ZMAT5: variants seen among roughly 807,000 people sequenced by gnomAD.
The protein encoded by ZMAT5 is zinc finger matrin-type 5.
In ZMAT5, 23 loss-of-function variants were observed where a neutral mutation model predicts 28.0. The ratio of observed to expected loss-of-function variants is 0.82; its 90% CI spans 0.59 to 1.16. The LOEUF (loss-of-function observed/expected upper bound fraction) is 1.16, where lower values mean the gene tolerates loss of function less well. ZMAT5 is among the 50% of genes most tolerant of loss of function. ZMAT5 has a pLI of 0.00. For missense variants in ZMAT5, 173 were observed against 212.7 expected (o/e 0.81, Z 1.16); for synonymous variants, 76 against 84.1 (o/e 0.90, Z 0.52).
intron 1 of ZMAT5, among the ~76,000 whole-genome samples, chr22:29,755,163 C>CGT: frequency 6.6e-6 from 1 of 151,998 alleles, no homozygotes; most frequent in East Asian, 1.9e-4. Context: ...GGCGTGGTGG[C>CGT]ACACGCCTAT....
chr22:29,753,605 C>T (rs532148399), intron 1 of ZMAT5, among the ~76,000 whole-genome samples: 1 of 152,272 alleles, frequency 6.6e-6, no homozygotes, highest in African/African-American at 2.4e-5. Context: ...AGGACAATCA[C>T]TTGAATCCAG....
Position 29,748,492 on chromosome 22 carries a change from A to G in ZMAT5, c.53T>C (p.Leu18Pro). 6.2e-7 allele frequency: 1 copy of G among 1,614,114 alleles called. No individual in the cohort carries two copies. The highest frequency in any genetic ancestry group is 8.5e-7 in the Non-Finnish European group (1 of 1,179,998). ...DYCDRSFQDN[L>P]HNRKKHLNGL... ...GTTCAGGTGCTTCTTGCGGTTGTGG[A>G]GGTTGTCCTGGAAGGAGCGGTCGCA... Residue 18 changes from leucine to proline, a missense_variant, in exon 2 of 6, where the codon CTC becomes CCC. Leu to Pro is a moderately conservative substitution (Grantham distance 98, BLOSUM62 -3). Coordinates refer to ENST00000344318, the MANE Select transcript of ZMAT5 (RefSeq NM_001003692.2).
Position 29,757,051 on chromosome 22 carries a change from T to TA in ZMAT5, c.-27-8481_-27-8480insT, listed in dbSNP as rs565563351. On this transcript the variant is annotated intron_variant, in intron 1 of 5. Coordinates refer to ENST00000344318, the MANE Select transcript of ZMAT5 (RefSeq NM_001003692.2). ...GAGACTATCTCAAAAAATATATATA[T>TA]TTTTTAATTAAAAAATTAGCTAGGT... 1.7e-4 allele frequency among the ~76,000 whole-genome samples: 26 copies of TA among 151,312 alleles called. 1 individual carries two copies. In the South Asian group the frequency reaches 2.9e-3, roughly 17 times the overall value.
At chr22:29,748,814 T>G (rs144550426) in intron 1 of ZMAT5, among the ~76,000 whole-genome samples, 1 of 152,372 alleles carries the variant, frequency 6.6e-6, no homozygotes, top group East Asian at 1.9e-4. Flanking sequence ...GGGTGAGGCC[T>G]GGGCACTGTT....
intron 1 of ZMAT5, among the ~76,000 whole-genome samples, chr22:29,750,784 A>G (rs2068048972): frequency 1.3e-5 from 2 of 152,182 alleles, no homozygotes; most frequent in South Asian, 4.1e-4. Context: ...CAGTGGACCA[A>G]TGGGGGAACA....
chr22:29,742,913 TC>T (rs1460197598), intron 2 of ZMAT5, among the ~76,000 whole-genome samples: 23 of 151,976 alleles, frequency 1.5e-4, no homozygotes, highest in Non-Finnish European at 2.8e-4. Context: ...AGTCTCAGCC[TC>T]CCAACTAGGT....
At chr22:29,743,321 C>G (rs2067981043) in intron 2 of ZMAT5, among the ~76,000 whole-genome samples, 1 of 152,204 alleles carries the variant, frequency 6.6e-6, no homozygotes, top group African/African-American at 2.4e-5. Context: ...CTGTAGGGCA[C>G]TCAGGGCCAG....
chr22:29,749,050 G>A (rs557913899), intron 1 of ZMAT5, among the ~76,000 whole-genome samples: 1 of 151,848 alleles, frequency 6.6e-6, no homozygotes, highest in Admixed American at 6.6e-5. Flanking sequence ...CTTATACCCT[G>A]TGGCTGGCCT....
chr22:29,744,710 A>T (rs1054654942), intron 2 of ZMAT5, among the ~76,000 whole-genome samples: 2 of 152,074 alleles, frequency 1.3e-5, no homozygotes, highest in Non-Finnish European at 2.9e-5. Context: ...GTGGTTCCTG[A>T]CCCCAGCCAC....
chr22:29,734,827 C>CGCCCCA (rs140109), intron 5 of ZMAT5, among the ~76,000 whole-genome samples: 1 of 151,230 alleles, frequency 6.6e-6, no homozygotes, highest in Non-Finnish European at 1.5e-5. Context: ...GAGGGTCCCC[C>CGCCCCA]GCCCCAGCCC....
At chr22:29,742,501 G>C in intron 2 of ZMAT5, 21 bp from the exon 3 acceptor site, 8 of 1,610,944 alleles carry the variant, frequency 5.0e-6, no homozygotes, top group Non-Finnish European at 6.8e-6. Flanking sequence ...AGAGAGGGAC[G>C]GGATTCGGAT....
chr22:29,738,282 G>C, intron 5 of ZMAT5, 48 bp downstream of exon 5: 3 of 1,552,714 alleles, frequency 1.9e-6, no homozygotes, highest in Non-Finnish European at 2.6e-6. Flanking sequence ...GCGGGCTGGG[G>C]TTTTGCCCCC....
intron 1 of ZMAT5, among the ~76,000 whole-genome samples, chr22:29,761,264 C>T (rs1382560391): frequency 2.5e-5 from 2 of 80,664 alleles, no homozygotes; most frequent in African/African-American, 1.1e-4. Flanking sequence ...AGTGAAACTC[C>T]GTCTCAAAAA....
chr22:29,765,014 G>T (rs2068193290), intron 1 of ZMAT5, among the ~76,000 whole-genome samples: 1 of 152,156 alleles, frequency 6.6e-6, no homozygotes, highest in Non-Finnish European at 1.5e-5. Context: ...ACAGATCCAT[G>T]TCCTCATTTG....
intron 1 of ZMAT5, among the ~76,000 whole-genome samples, chr22:29,752,872 C>CA (rs1380974487): frequency 2.6e-5 from 4 of 152,172 alleles, no homozygotes; most frequent in Non-Finnish European, 5.9e-5. Flanking sequence ...CTGTCACAGA[C>CA]ACATGTGCAG....
chr22:29,741,803 C>A (rs1646223455), intron 3 of ZMAT5, among the ~76,000 whole-genome samples: 3 of 152,112 alleles, frequency 2.0e-5, no homozygotes, highest in Non-Finnish European at 4.4e-5. Context: ...GTGTGTGCTA[C>A]CATGCCCAGC....
intron 2 of ZMAT5, among the ~76,000 whole-genome samples, chr22:29,745,450 G>T (rs1344513815): frequency 6.6e-6 from 1 of 152,214 alleles, no homozygotes; most frequent in Non-Finnish European, 1.5e-5. Flanking sequence ...AGGCAGAGGG[G>T]CCCTATTTTA....
intron 1 of ZMAT5, among the ~76,000 whole-genome samples, chr22:29,761,873 G>A (rs1180240793): frequency 2.6e-5 from 4 of 152,076 alleles, no homozygotes; most frequent in East Asian, 1.9e-4. Context: ...AATTACCTGG[G>A]GTGCTGTAAA....
intron 1 of ZMAT5, among the ~76,000 whole-genome samples, chr22:29,761,699 AT>A (rs1287492780): frequency 6.6e-6 from 1 of 152,200 alleles, no homozygotes; most frequent in African/African-American, 2.4e-5. Context: ...TGAAAAAAAA[AT>A]GTGATATGTT....
Sources: allele counts gnomAD v4.1 joint callset (sites outside exome capture counted in the v4.1 genomes callset), GRCh38; gene constraint gnomAD v4.1.1; transcripts MANE v1.5; gene names NCBI Gene and HGNC (gene_info 2026-07-23, HGNC 2026-07-21).